Variants in ARIH1 observed in about 807,000 individuals in gnomAD.
ARIH1 encodes the protein ariadne RBR E3 ubiquitin protein ligase 1.
A neutral mutation model predicts 85.0 loss-of-function variants in ARIH1; 8 were observed. The ratio of observed to expected loss-of-function variants is 0.09; its 90% CI spans 0.06 to 0.17. The LOEUF is 0.17. Ranked by LOEUF, ARIH1 falls within the 10% of genes least tolerant of loss-of-function variation. ARIH1 has a pLI of 1.00. For missense variants in ARIH1, 311 were observed against 718.1 expected (o/e 0.43, Z 6.48); for synonymous variants, 238 against 253.6 (o/e 0.94, Z 0.59).
chr15:72,501,970 C>T (rs927215138), intron 1 of ARIH1, among the ~76,000 whole-genome samples: 2 of 152,146 alleles, frequency 1.3e-5, no homozygotes, highest in South Asian at 2.1e-4. Context: ...TTTCAGGTAA[C>T]GATAAAAGTT....
rs371051392 is a variant in ARIH1 at position 72,550,884 on chromosome 15, T to C, written c.589-4387T>C. ...ACAGGGTTTCACCATGTTGGCCAGG[T>C]TGGTCTTGAACTCCCGACCTCAGGT... On this transcript the variant is annotated intron_variant, in intron 3 of 13. Transcript: ENST00000379887. Among the ~76,000 whole-genome samples, 745 of 152,148 alleles carry C rather than the reference T, an allele frequency of 4.9e-3. 9 individuals are homozygous for C. The highest frequency in any genetic ancestry group is 0.017 in the African/African-American group (713 of 41,518).
At chr15:72,551,855 A>G (rs1357092241) in intron 3 of ARIH1, among the ~76,000 whole-genome samples, 1 of 152,206 alleles carries the variant, frequency 6.6e-6, no homozygotes, top group African/African-American at 2.4e-5. Context: ...AGAAATATAC[A>G]GTGTAAAACC....
intron 1 of ARIH1, among the ~76,000 whole-genome samples, chr15:72,476,813 A>G (rs916624763): frequency 6.6e-6 from 1 of 152,222 alleles, no homozygotes; most frequent in Non-Finnish European, 1.5e-5. Flanking sequence ...CACGTTAATA[A>G]CAGTGGAACC....
intron 2 of ARIH1, among the ~76,000 whole-genome samples, chr15:72,539,093 A>AATG (rs1179814855): frequency 6.6e-6 from 1 of 152,214 alleles, no homozygotes; most frequent in East Asian, 1.9e-4. Context: ...CAGCTCTTTC[A>AATG]AGTCAATGAA....
intron 5 of ARIH1, among the ~76,000 whole-genome samples, chr15:72,556,432 A>G (rs2064174859): frequency 6.6e-6 from 1 of 152,214 alleles, no homozygotes; most frequent in Non-Finnish European, 1.5e-5. Context: ...AGCTGGGCCC[A>G]GTACACTTGA....
At position 72,586,150 on chromosome 15, in the gene ARIH1, T is replaced by C. The variant is rs2064315845; in HGVS notation, c.*2858T>C. 2 of 152,200 alleles carry C rather than the reference T, an allele frequency of 1.3e-5. No homozygotes were observed. Among genetic ancestry groups the C allele is most frequent in the African/African-American group, 2.4e-5 (1 of 41,450 alleles). The allele number at this position is 152,200 out of a possible 1,614,324, so 9.4% of individuals were successfully genotyped here. Reference sequence around the variant, plus strand: ...CACAACCCAGATTGTATGTGTTTTATGTGTGTTTAAATAAATATGTTAGAT... The same window carrying C: ...CACAACCCAGATTGTATGTGTTTTACGTGTGTTTAAATAAATATGTTAGAT... On this transcript the variant is annotated 3_prime_UTR_variant, in exon 14 of 14. Transcript: ENST00000379887.
chr15:72,480,619 CA>C (rs774460057), intron 1 of ARIH1, among the ~76,000 whole-genome samples: 11 of 152,066 alleles, frequency 7.2e-5, no homozygotes, highest in Non-Finnish European at 1.5e-4. Flanking sequence ...GGCTGGAGTG[CA>C]ATGACGCGAT....
intron 11 of ARIH1, among the ~76,000 whole-genome samples, chr15:72,580,035 T>A (rs1567361615): frequency 6.6e-6 from 1 of 152,214 alleles, no homozygotes; most frequent in Non-Finnish European, 1.5e-5. Flanking sequence ...ACTCATCCAG[T>A]CTATCTGAAA....
intron 1 of ARIH1, among the ~76,000 whole-genome samples, chr15:72,502,732 G>C (rs1196399040): frequency 1.3e-5 from 2 of 152,120 alleles, no homozygotes; most frequent in Non-Finnish European, 2.9e-5. Context: ...CCTGAGCCTG[G>C]GAGGCAGAAG....
rs1171978448 is a variant in ARIH1 at position 72,586,765 on chromosome 15, A to C, written c.*3473A>C. The C allele has an allele frequency of 6.5e-6, 1 of 153,618 alleles. No homozygotes were observed. Among genetic ancestry groups the C allele is most frequent in the African/African-American group, 2.4e-5 (1 of 41,424 alleles). 9.5% of individuals were successfully genotyped at this position (153,618 alleles called of 1,614,324 possible). ...TCAGAGCATTTTCTGAAAGATTTCC[A>C]ATTTCTGCATCTCAGATATTGAATT... is the stretch of plus-strand genomic sequence containing the variant. On this transcript the variant is annotated 3_prime_UTR_variant, in exon 14 of 14. Transcript: ENST00000379887.
chr15:72,602,368 A>G lies in ARIH1; in HGVS notation c.*19076A>G, dbSNP rs1354804109. 3.9e-5 allele frequency: 6 copies of G among 152,194 alleles called. No individual in the cohort carries two copies. In the East Asian group the frequency reaches 1.2e-3, roughly 29 times the overall value. 9.4% of individuals were successfully genotyped at this position (152,194 alleles called of 1,614,324 possible). A position where few individuals can be genotyped will look rare whatever the true frequency, so the allele number is the denominator to read the frequency against. On this transcript the variant is annotated 3_prime_UTR_variant, in exon 14 of 14. Coordinates refer to ENST00000379887, the MANE Select transcript of ARIH1 (RefSeq NM_005744.5). The stretch of plus-strand genomic sequence containing the variant: ...AAATGGAAAGTATCTCTTGGAAACT[A>G]ATTTGCATGTTTTTTTTCCTTGCAC...
rs1384828831 is a variant in ARIH1, at chr15:72,583,426, T to C, written c.*134T>C. 1.7e-6 allele frequency: 1 copy of C among 601,740 alleles called. No homozygotes were observed. The highest frequency in any genetic ancestry group is 2.7e-5 in the South Asian group (1 of 36,572). 37.3% of individuals were successfully genotyped at this position (601,740 alleles called of 1,614,324 possible). The stretch of plus-strand genomic sequence containing the variant: ...CTGGTCTGTAGTACCAGAATTGTTT[T>C]GTTAATGGAAAGTTTAAGTAAATTA... On this transcript the variant is annotated 3_prime_UTR_variant, in exon 14 of 14. Transcript: ENST00000379887.
At chr15:72,517,915 T>A in intron 1 of ARIH1, 152 bp from the exon 2 acceptor site, 1 of 576,118 alleles carries the variant, frequency 1.7e-6, no homozygotes, top group Non-Finnish European at 3.1e-6. Context: ...ATCTTATCAT[T>A]CAAATATATT....
chr15:72,545,098 A>G, intron 3 of ARIH1, 134 bp downstream of exon 3: 1 of 744,182 alleles, frequency 1.3e-6, no homozygotes, highest in Non-Finnish European at 1.9e-6. Context: ...CAATGTATTC[A>G]GTGTGAGGAA....
chr15:72,572,206 C>A, intron 11 of ARIH1, 41 bp downstream of exon 11: 2 of 1,324,100 alleles, frequency 1.5e-6, no homozygotes, highest in Non-Finnish European at 1.1e-6. Context: ...ACTAAGAATG[C>A]ACGTTGTATA....
At chr15:72,537,736 G>T (rs1444903104) in intron 2 of ARIH1, among the ~76,000 whole-genome samples, 3 of 152,136 alleles carry the variant, frequency 2.0e-5, no homozygotes, top group Non-Finnish European at 2.9e-5. Context: ...TCTTGGAAGG[G>T]TTTTGGCACC....
intron 7 of ARIH1, among the ~76,000 whole-genome samples, chr15:72,565,463 T>C (rs900371745): frequency 3.9e-5 from 6 of 152,020 alleles, no homozygotes; most frequent in Non-Finnish European, 8.8e-5. Context: ...TTTCTTTTTT[T>C]CCTCCAAACA....
At chr15:72,475,193 A>C in intron 1 of ARIH1, 179 bp downstream of exon 1, 2 of 1,314,930 alleles carry the variant, frequency 1.5e-6, no homozygotes, top group Non-Finnish European at 2.0e-6. Flanking sequence ...AGGTTCGCCG[A>C]TTAGCCGGGT....
chr15:72,480,095 T>C (rs2063809928), intron 1 of ARIH1, among the ~76,000 whole-genome samples: 1 of 151,852 alleles, frequency 6.6e-6, no homozygotes, highest in Non-Finnish European at 1.5e-5. Flanking sequence ...GATCTGGATC[T>C]CCTGACCTCG....
Sources: gnomAD v4.1 joint callset for allele counts (sites outside exome capture counted in the v4.1 genomes callset) on GRCh38, gnomAD v4.1.1 for gene constraint, MANE v1.5 for transcripts, NCBI Gene and HGNC (gene_info 2026-07-23, HGNC 2026-07-21) for gene names.